Variants in ATIC observed in about 807,000 individuals in gnomAD.
ATIC encodes the protein 5-aminoimidazole-4-carboxamide ribonucleotide formyltransferase/IMP cyclohydrolase.
In ATIC, 64 loss-of-function variants were observed where a neutral mutation model predicts 72.5. The observed-to-expected ratio is 0.88, with a 90% CI of 0.72 to 1.09. The LOEUF (loss-of-function observed/expected upper bound fraction) is 1.09. Among genes scored for constraint, ATIC ranks in the 50% least tolerant of loss-of-function variants. The pLI is 0.00. For missense variants in ATIC, 787 were observed against 732.4 expected (o/e 1.07, Z -0.86); for synonymous variants, 281 against 267.1 (o/e 1.05, Z -0.51).
chr2:215,349,736 AAAT>A lies in ATIC; in HGVS notation c.*84_*86del. ...AAACTTTGAGGATAACTTTTTAAAA[AAAT>A]AAAACAGTATCTCTTAATCACTGGA... On this transcript the variant is annotated 3_prime_UTR_variant, in exon 16 of 16. Transcript: ENST00000236959. 6.2e-7 allele frequency: 1 copy of A among 1,606,518 alleles called. No homozygotes were observed. Among genetic ancestry groups the A allele is most frequent in the Non-Finnish European group, 8.5e-7 (1 of 1,173,314 alleles).
chr2:215,351,444 C>A (rs1273800468), downstream of ATIC, among the ~76,000 whole-genome samples: 1 of 152,104 alleles, frequency 6.6e-6, no homozygotes, highest in Non-Finnish European at 1.5e-5. Flanking sequence ...TTTGGCTTGA[C>A]CAAAGGTTAA....
intron 12 of ATIC, among the ~76,000 whole-genome samples, chr2:215,342,302 A>G (rs2053027695): frequency 6.6e-6 from 1 of 152,020 alleles, no homozygotes; most frequent in African/African-American, 2.4e-5. Flanking sequence ...TATAACATTA[A>G]TAATACCTTA....
At chr2:215,318,087 A>G in intron 2 of ATIC, 70 bp from the exon 3 acceptor site, 2 of 1,335,542 alleles carry the variant, frequency 1.5e-6, no homozygotes, top group Non-Finnish European at 2.2e-6. Flanking sequence ...TGAAAACAGT[A>G]GATGCTTTGA....
chr2:215,331,824 T>G lies in ATIC; in HGVS notation c.689-558T>G, dbSNP rs187253540. 4.5e-3 allele frequency among the ~76,000 whole-genome samples: 692 copies of G among 152,324 alleles called. 8 individuals carry two copies. Among genetic ancestry groups the G allele is most frequent in the Non-Finnish European group, 6.8e-3 (463 of 68,026 alleles). ...AATGGAAAACTCTGAAGTTGCAGTC[T>G]CCTTTTAACTACAGTTCTGCTTTAG... is the stretch of plus-strand genomic sequence containing the variant. On this transcript the variant is annotated intron_variant, in intron 7 of 15. Coordinates refer to ENST00000236959, the MANE Select transcript of ATIC (RefSeq NM_004044.7).
At chr2:215,344,007 G>T (rs1575125049) in intron 12 of ATIC, among the ~76,000 whole-genome samples, 1 of 152,196 alleles carries the variant, frequency 6.6e-6, no homozygotes, top group South Asian at 2.1e-4. Context: ...AAGAGAAAAT[G>T]ATCGTAATTT....
chr2:215,327,231 CAT>C (rs1202727175), intron 7 of ATIC, among the ~76,000 whole-genome samples: 1 of 152,118 alleles, frequency 6.6e-6, no homozygotes, highest in Non-Finnish European at 1.5e-5. Flanking sequence ...TTTTTGAAGA[CAT>C]GAGACAGGAT....
At chr2:215,368,136 T>A in the ATIC span, 1 of 1,188,278 alleles carries the variant, frequency 8.4e-7, no homozygotes, top group South Asian at 1.3e-5. Flanking sequence ...AAACAAGAAT[T>A]CCAGGAGGAT....
In ATIC at chr2:215,325,966, T is replaced by G. The variant is rs751753478; in HGVS notation, c.380-21T>G. 1.9e-6 allele frequency: 3 copies of G among 1,613,678 alleles called. No individual in the cohort carries two copies. The Admixed American group carries it at 5.0e-5, about 27-fold the overall frequency. On this transcript the variant is annotated intron_variant, in intron 5 of 15. Transcript: ENST00000236959. ...GCTGATAGGGACATACAAAAATCAA[T>G]AAGTCTTTTGTTCTTCAAAGGTGGA...
intron 7 of ATIC, among the ~76,000 whole-genome samples, chr2:215,331,774 A>C (rs2052897523): frequency 6.6e-6 from 1 of 152,162 alleles, no homozygotes; most frequent in African/African-American, 2.4e-5. Flanking sequence ...TCCTAAAAAA[A>C]TCTGCCAGTG....
At chr2:215,357,449 T>A in the ATIC span, among the ~76,000 whole-genome samples, 53 of 152,296 alleles carry the variant, frequency 3.5e-4, no homozygotes, top group African/African-American at 1.2e-3. Context: ...ATTTGGCTCC[T>A]GAGATTGTTA....
chr2:215,349,872 G>GAGCTC (rs2053116275), downstream of ATIC: 2 of 785,038 alleles, frequency 2.5e-6, no homozygotes, highest in Non-Finnish European at 4.0e-6. Context: ...CTGCCTACCG[G>GAGCTC]AGCTCAGCCC....
intron 12 of ATIC, among the ~76,000 whole-genome samples, chr2:215,343,693 G>A (rs112258312): frequency 3.7e-4 from 57 of 152,244 alleles, no homozygotes; most frequent in African/African-American, 1.3e-3. Context: ...TGTTGGATAT[G>A]AGGTTTGTTA....
intron 2 of ATIC, among the ~76,000 whole-genome samples, chr2:215,317,778 C>T (rs1435917261): frequency 1.3e-5 from 2 of 152,100 alleles, no homozygotes; most frequent in Non-Finnish European, 2.9e-5. Flanking sequence ...CATGAGCCAC[C>T]GTGCCCGGCC....
rs150728584 is a variant in ATIC, at chr2:215,319,548, T to C, written c.224-117T>C. The C allele has an allele frequency of 9.0e-5, 73 of 813,188 alleles. No individual in the cohort carries two copies. In the East Asian group the frequency reaches 1.8e-3, roughly 21 times the overall value. The allele number at this position is 813,188 out of a possible 1,614,324, so 50.4% of individuals were successfully genotyped here. A position where few individuals can be genotyped will look rare whatever the true frequency, so the allele number is the denominator to read the frequency against. ...ATAGAGTGAGACCATCTCAAAAAAATAAATTTTTTTTTTAATCAATGGGAT... is the reference window on the plus strand; with the variant it reads ...ATAGAGTGAGACCATCTCAAAAAAACAAATTTTTTTTTTAATCAATGGGAT... On this transcript the variant is annotated intron_variant, in intron 3 of 15. Transcript: ENST00000236959.
intron 4 of ATIC, among the ~76,000 whole-genome samples, chr2:215,324,108 G>A (rs914873646): frequency 2.0e-5 from 3 of 152,106 alleles, no homozygotes; most frequent in South Asian, 2.1e-4. Flanking sequence ...TATTGGCCAC[G>A]CTGGTCTCGA....
At chr2:215,350,850 C>T (rs1172912488), downstream of ATIC, among the ~76,000 whole-genome samples, 4 of 152,158 alleles carry the variant, frequency 2.6e-5, no homozygotes, top group Admixed American at 2.0e-4. Context: ...CATTGTTCAC[C>T]TTTACCAATG....
At chr2:215,341,272 T>C (rs938467286) in intron 12 of ATIC, among the ~76,000 whole-genome samples, 1 of 152,256 alleles carries the variant, frequency 6.6e-6, no homozygotes, top group Non-Finnish European at 1.5e-5. Context: ...GGTTGGTTCA[T>C]GTACTTTGAA....
intron 4 of ATIC, among the ~76,000 whole-genome samples, chr2:215,323,236 C>T (rs1197246891): frequency 5.3e-5 from 8 of 152,166 alleles, no homozygotes; most frequent in Admixed American, 1.3e-4. Flanking sequence ...TGAGCCACTG[C>T]GCCCGGCCCC....
the ATIC span, among the ~76,000 whole-genome samples, chr2:215,365,907 G>C: frequency 6.7e-6 from 1 of 148,434 alleles, no homozygotes; most frequent in Non-Finnish European, 1.5e-5. Context: ...CTGGGTTCAT[G>C]CAGTTATCCT....
Sources: allele counts gnomAD v4.1 joint callset (sites outside exome capture counted in the v4.1 genomes callset), GRCh38; gene constraint gnomAD v4.1.1; transcripts MANE v1.5; gene names NCBI Gene and HGNC (gene_info 2026-07-23, HGNC 2026-07-21).